The following RARS2 variants were observed in gnomAD, a reference collection of about 807,000 sequenced individuals.
RARS2 encodes probable arginine--tRNA ligase, mitochondrial.
A neutral mutation model predicts 88.5 loss-of-function variants in RARS2; 67 were observed. The observed-to-expected ratio is 0.76, with a 90% confidence interval of 0.62 to 0.93. RARS2 has a LOEUF of 0.93. Among genes scored for constraint, RARS2 ranks in the 40% least tolerant of loss-of-function variants. The pLI is 0.00. For synonymous variants in RARS2, 239 were observed against 230.3 expected (o/e 1.04, Z -0.34); for missense variants, 664 against 684.2 (o/e 0.97, Z 0.33).
At chr6:87,568,123 A>T (rs935594330) in intron 2 of RARS2, among the ~76,000 whole-genome samples, 1 of 152,192 alleles carries the variant, frequency 6.6e-6, no homozygotes, top group Non-Finnish European at 1.5e-5. Context: ...GTTAAAGTGG[A>T]AGCAGGCAAA....
At chr6:87,539,917 T>G (rs1183959638) in intron 8 of RARS2, among the ~76,000 whole-genome samples, 1 of 152,124 alleles carries the variant, frequency 6.6e-6, no homozygotes, top group Non-Finnish European at 1.5e-5. Context: ...TGAGGTAAAA[T>G]TATTCAAGTG....
chr6:87,539,832 A>C (rs938251519), intron 8 of RARS2, among the ~76,000 whole-genome samples: 12 of 152,192 alleles, frequency 7.9e-5, no homozygotes, highest in Non-Finnish European at 1.6e-4. Flanking sequence ...GGCACCGGGG[A>C]ACAAGCATGC....
chr6:87,555,711 G>A (rs1208313433), intron 4 of RARS2, among the ~76,000 whole-genome samples: 1 of 152,140 alleles, frequency 6.6e-6, no homozygotes, highest in Non-Finnish European at 1.5e-5. Flanking sequence ...ATTTACAAGG[G>A]TTCTGTGCCC....
chr6:87,536,053 C>T lies in RARS2; in HGVS notation c.613-5111G>A, dbSNP rs78485060. Among the ~76,000 whole-genome samples the T allele has an allele frequency of 9.2e-3, 1,402 of 152,052 alleles. 22 individuals are homozygous for T. The highest frequency in any genetic ancestry group is 0.031 in the African/African-American group (1,303 of 41,478). ...CATATTTTATTGGCATGATATTTAT[C>T]TCTTATAAGAGGCTGCCCTTACATT... On this transcript the variant is annotated intron_variant, in intron 8 of 19. Coordinates refer to ENST00000369536, the MANE Select transcript of RARS2 (RefSeq NM_020320.5).
intron 8 of RARS2, among the ~76,000 whole-genome samples, chr6:87,533,939 G>A (rs1453599267): frequency 6.6e-6 from 1 of 152,164 alleles, no homozygotes; most frequent in Admixed American, 6.6e-5. Flanking sequence ...TAGAAATACT[G>A]AGAATAACTG....
intron 13 of RARS2, 42 bp downstream of exon 13, chr6:87,520,138 A>G: frequency 1.3e-6 from 2 of 1,526,734 alleles, no homozygotes; most frequent in Non-Finnish European, 1.8e-6. Context: ...TTTCAGGCTC[A>G]GCTGACCCTG....
intron 4 of RARS2, among the ~76,000 whole-genome samples, chr6:87,559,375 G>C (rs1483807276): frequency 6.7e-6 from 1 of 149,808 alleles, no homozygotes; most frequent in Non-Finnish European, 1.5e-5. Flanking sequence ...GCTGAGGCAG[G>C]AGAATCGCTT....
intron 6 of RARS2, 115 bp from the exon 7 acceptor site, chr6:87,545,814 C>T (rs1197591302): frequency 8.1e-7 from 1 of 1,236,816 alleles, no homozygotes; most frequent in Admixed American, 2.3e-5. Context: ...CTAAATTTAC[C>T]AACTCAATGT....
intron 7 of RARS2, 134 bp downstream of exon 7, chr6:87,545,482 A>AG (rs201051733): frequency 3.2e-5 from 35 of 1,078,716 alleles, no homozygotes; most frequent in African/African-American, 1.0e-4. Flanking sequence ...AAGAGCCATT[A>AG]GGGAAAAAAA....
At chr6:87,518,989 T>A (rs1772787920) in intron 14 of RARS2, 98 bp from the exon 15 acceptor site, 1 of 1,152,646 alleles carries the variant, frequency 8.7e-7, no homozygotes, top group Non-Finnish European at 1.3e-6. Context: ...ATGCTGACAA[T>A]CAAGAACAGA....
Position 87,514,358 on chromosome 6 carries a change from C to G in RARS2, c.*55G>C. On this transcript the variant is annotated 3_prime_UTR_variant, in exon 20 of 20. Coordinates refer to ENST00000369536, the MANE Select transcript of RARS2 (RefSeq NM_020320.5). ...AAATTTATTCTGAACAGCAAGGCAT[C>G]TCAGAATAGATAACTAGAATTCACT... 1 of 1,217,820 alleles carries G rather than the reference C, an allele frequency of 8.2e-7. No homozygotes were observed. Among genetic ancestry groups the G allele is most frequent in the East Asian group, 2.4e-5 (1 of 42,466 alleles). 75.4% of individuals were successfully genotyped at this position (1,217,820 alleles called of 1,614,324 possible). A position where few individuals can be genotyped will look rare whatever the true frequency, so the allele number is the denominator to read the frequency against.
intron 2 of RARS2, 24 bp downstream of exon 2, chr6:87,569,493 T>C (rs749754765): frequency 2.6e-6 from 4 of 1,537,660 alleles, no homozygotes; most frequent in Non-Finnish European, 3.6e-6. Flanking sequence ...TTTTATAGAT[T>C]GTTACAAGTG....
chr6:87,548,567 T>G, intron 6 of RARS2, 24 bp downstream of exon 6: 1 of 1,606,612 alleles, frequency 6.2e-7, no homozygotes, highest in Non-Finnish European at 8.5e-7. Context: ...ACGTTTAGCA[T>G]TTTATGTGAA....
chr6:87,586,000 C>A (rs1775041655), intron 1 of RARS2, among the ~76,000 whole-genome samples: 1 of 151,996 alleles, frequency 6.6e-6, no homozygotes, highest in Non-Finnish European at 1.5e-5. Context: ...TAGAATGGGG[C>A]ATGAATGGAA....
rs1582331943 is a variant in RARS2, at chr6:87,524,549, C to T, written c.974+8G>A. 2.5e-6 allele frequency: 4 copies of T among 1,592,346 alleles called. No individual in the cohort carries two copies. In the East Asian group the frequency reaches 8.9e-5, roughly 36 times the overall value. ...AACCAAATGTTGACCCTCACAGAGG[C>T]TACAAACCTGGTTGCATAGAGAGAA... is the stretch of plus-strand genomic sequence containing the variant. On this transcript the variant is annotated splice_region_variant and intron_variant, in intron 11 of 19. Coordinates refer to ENST00000369536, the MANE Select transcript of RARS2 (RefSeq NM_020320.5).
chr6:87,583,054 C>CA (rs1287880193), intron 1 of RARS2, among the ~76,000 whole-genome samples: 5 of 152,132 alleles, frequency 3.3e-5, no homozygotes, highest in African/African-American at 1.2e-4. Flanking sequence ...GTACTATGGT[C>CA]ATGTAAAACA....
chr6:87,557,018 G>C (rs1324597998), intron 4 of RARS2, among the ~76,000 whole-genome samples: 1 of 151,738 alleles, frequency 6.6e-6, no homozygotes, highest in Non-Finnish European at 1.5e-5. Flanking sequence ...TAAAGAGTTG[G>C]TTAAAATGGT....
At chr6:87,543,067 C>A (rs1781516917) in intron 7 of RARS2, among the ~76,000 whole-genome samples, 2 of 152,036 alleles carry the variant, frequency 1.3e-5, no homozygotes, top group Non-Finnish European at 2.9e-5. Context: ...ATTGGGAGGC[C>A]AAGGTGGGTG....
chr6:87,569,489 A>C, intron 2 of RARS2, 28 bp downstream of exon 2: 1 of 1,524,258 alleles, frequency 6.6e-7, no homozygotes. Context: ...AACATTTTAT[A>C]GATTGTTACA....
Sources: gnomAD v4.1 joint callset for allele counts (sites outside exome capture counted in the v4.1 genomes callset) on GRCh38, gnomAD v4.1.1 for gene constraint, MANE v1.5 for transcripts, NCBI Gene and HGNC (gene_info 2026-07-23, HGNC 2026-07-21) for gene names.